The following RNF111 variants were observed in gnomAD, a reference collection of about 807,000 sequenced individuals.
RNF111 encodes ring finger protein 111, also known as E3 ubiquitin-protein ligase Arkadia.
Under a neutral mutation model 95.1 loss-of-function variants are expected in RNF111, and 17 were observed. The ratio of observed to expected loss-of-function variants is 0.18; its 90% CI spans 0.12 to 0.27. The LOEUF (loss-of-function observed/expected upper bound fraction) is 0.27, where lower values mean the gene tolerates loss of function less well. RNF111 is among the 10% of genes least tolerant of loss of function. The pLI is 1.00. For synonymous variants in RNF111, 440 were observed against 414.8 expected, an observed-to-expected ratio of 1.06 and a Z score of -0.74; for missense variants, 1,189 against 1,210.4, an observed-to-expected ratio of 0.98 and a Z score of 0.26.
chr15:59,081,059 C>A lies in RNF111; in HGVS notation c.2072C>A (p.Ala691Asp). 2 of 1,614,112 alleles carry A rather than the reference C, an allele frequency of 1.2e-6. No individual in the cohort carries two copies. The highest frequency in any genetic ancestry group is 8.5e-7 in the Non-Finnish European group (1 of 1,180,024). ...VDYVIPHPVH[A>D]FHSQISSHAT... ...TATGTTATTCCTCATCCTGTACATG[C>A]TTTCCATTCTCAAATATCTTCTCAT... Residue 691 changes from alanine to aspartate, a missense_variant, in exon 8 of 14, where the codon GCT (alanine) becomes GAT (aspartate). Ala to Asp is a moderately radical substitution (Grantham distance 126, BLOSUM62 -2). This residue lies in a region of RNF111 where 1,024 missense variants were observed against 925.9 expected (regional missense o/e 1.11). Coordinates refer to ENST00000348370, the MANE Select transcript of RNF111 (RefSeq NM_017610.8).
chr15:59,086,680 C>A (rs1193694040), intron 10 of RNF111, among the ~76,000 whole-genome samples: 1 of 152,176 alleles, frequency 6.6e-6, no homozygotes, highest in East Asian at 1.9e-4. Flanking sequence ...GGTGCTCTTG[C>A]AGAGGTTACA....
intron 1 of RNF111, among the ~76,000 whole-genome samples, chr15:58,993,215 A>G (rs930273974): frequency 2.0e-5 from 3 of 151,826 alleles, no homozygotes; most frequent in Admixed American, 6.6e-5. Flanking sequence ...TTTTAAAATA[A>G]TTAGTAAAAG....
At chr15:59,061,258 A>C (rs138348721) in intron 5 of RNF111, among the ~76,000 whole-genome samples, 1 of 152,200 alleles carries the variant, frequency 6.6e-6, no homozygotes, top group East Asian at 1.9e-4. Flanking sequence ...CTTAAGGTCA[A>C]TTTCCTTCCA....
chr15:59,082,394 A>G (rs1596301228), intron 8 of RNF111, among the ~76,000 whole-genome samples: 3 of 152,378 alleles, frequency 2.0e-5, no homozygotes, highest in East Asian at 1.9e-4. Context: ...AAAGATATCA[A>G]AGATTTGAAT....
intron 5 of RNF111, among the ~76,000 whole-genome samples, chr15:59,064,732 G>C (rs2042585175): frequency 1.3e-5 from 2 of 151,854 alleles, no homozygotes; most frequent in Admixed American, 1.3e-4. Flanking sequence ...AGCCCCCATA[G>C]GCCAGACTAG....
In RNF111 at chr15:59,065,198, G is replaced by A. The variant is rs572658392; in HGVS notation, c.1367-1566G>A. 5.3e-5 allele frequency among the ~76,000 whole-genome samples: 8 copies of A among 152,144 alleles called. No individual in the cohort carries two copies. In the East Asian group the frequency reaches 1.4e-3, roughly 26 times the overall value. ...AGGGGGTTAAGGATGGCAGCAGGGCGGGGCTTTGGCTTTAGGCTCTTCACT... is the reference window on the plus strand; with the variant it reads ...AGGGGGTTAAGGATGGCAGCAGGGCAGGGCTTTGGCTTTAGGCTCTTCACT... On this transcript the variant is annotated intron_variant, in intron 5 of 13. Transcript: ENST00000348370.
At chr15:59,059,579 TTTTGGTTATGG>T (rs1483140738) in intron 5 of RNF111, among the ~76,000 whole-genome samples, 4 of 152,204 alleles carry the variant, frequency 2.6e-5, no homozygotes, top group Non-Finnish European at 5.9e-5. Flanking sequence ...TTCTGGGGTT[TTTTGGTTATGG>T]TTTGGTCTGT....
chr15:58,989,346 C>T (rs961292032), intron 1 of RNF111, among the ~76,000 whole-genome samples: 3 of 152,178 alleles, frequency 2.0e-5, no homozygotes, highest in African/African-American at 7.2e-5. Flanking sequence ...TGGACACTTT[C>T]TTGCCATTTA....
In RNF111 at chr15:58,994,437, T is replaced by C. The variant is rs552022486; in HGVS notation, c.-20+6369T>C. 7.2e-5 allele frequency among the ~76,000 whole-genome samples: 11 copies of C among 152,052 alleles called. No homozygotes were observed. The South Asian group carries it at 2.3e-3, about 32-fold the overall frequency. ...ACTCATTATTCAGATTCACCAATTT[T>C]TAATGTTGTCACTCTTGCTTTCTTA... On this transcript the variant is annotated intron_variant, in intron 1 of 13. Coordinates refer to ENST00000348370, the MANE Select transcript of RNF111 (RefSeq NM_017610.8).
chr15:59,038,494 GT>G (rs1310144589), intron 2 of RNF111, among the ~76,000 whole-genome samples: 1 of 152,092 alleles, frequency 6.6e-6, no homozygotes, highest in East Asian at 1.9e-4. Flanking sequence ...TTGAGTTATA[GT>G]TTTTGGTTTT....
At chr15:59,084,081 C>A (rs770319973) in intron 8 of RNF111, 48 bp from the exon 9 acceptor site, 3 of 1,508,658 alleles carry the variant, frequency 2.0e-6, no homozygotes, top group East Asian at 2.5e-5. Context: ...AAGAAATAAC[C>A]AATTATTCAA....
chr15:59,019,182 A>C lies in RNF111; in HGVS notation c.-19-11622A>C, dbSNP rs1292224344. ...TTGAACCCCTGGGCTCAAGTGATCCACCTGCCTTGGCCTCACAAAGTGCTG... is the reference window on the plus strand; with the variant it reads ...TTGAACCCCTGGGCTCAAGTGATCCCCCTGCCTTGGCCTCACAAAGTGCTG... On this transcript the variant is annotated intron_variant, in intron 1 of 13. Coordinates refer to ENST00000348370, the MANE Select transcript of RNF111 (RefSeq NM_017610.8). 1.3e-5 allele frequency among the ~76,000 whole-genome samples: 2 copies of C among 148,332 alleles called. 1 individual carries two copies. Among genetic ancestry groups the C allele is most frequent in the Non-Finnish European group, 3.0e-5 (2 of 67,472 alleles).
chr15:59,084,708 A>C (rs189285127), intron 9 of RNF111, among the ~76,000 whole-genome samples: 105 of 152,180 alleles, frequency 6.9e-4, no homozygotes, highest in Admixed American at 6.6e-5. Flanking sequence ...AGAATATCAG[A>C]ACTTACTCCT....
chr15:59,004,542 A>G (rs2039456061), intron 1 of RNF111, among the ~76,000 whole-genome samples: 1 of 152,232 alleles, frequency 6.6e-6, no homozygotes, highest in Admixed American at 6.5e-5. Flanking sequence ...AGCTGACATC[A>G]GTATGCAGGA....
intron 12 of RNF111, 49 bp from the exon 13 acceptor site, chr15:59,092,488 C>T: frequency 6.4e-7 from 1 of 1,561,112 alleles, no homozygotes; most frequent in Non-Finnish European, 8.6e-7. Flanking sequence ...CTCAGTTGTT[C>T]AATAATGTCA....
intron 6 of RNF111, among the ~76,000 whole-genome samples, chr15:59,070,618 A>G (rs1263728496): frequency 1.3e-5 from 2 of 152,234 alleles, no homozygotes; most frequent in East Asian, 3.8e-4. Flanking sequence ...TTGATTGTAC[A>G]GCTCAACAGA....
chr15:59,068,233 A>C (rs1400260293), intron 6 of RNF111, among the ~76,000 whole-genome samples: 1 of 151,488 alleles, frequency 6.6e-6, no homozygotes, highest in Non-Finnish European at 1.5e-5. Flanking sequence ...AAACAACAAC[A>C]ACAACAAAAA....
rs144525991 is a variant in RNF111, at chr15:58,990,919, C to G, written c.-20+2851C>G. 7.0e-4 allele frequency among the ~76,000 whole-genome samples: 107 copies of G among 152,292 alleles called. 2 individuals carry two copies. The East Asian group carries it at 0.019, about 27-fold the overall frequency. On this transcript the variant is annotated intron_variant, in intron 1 of 13. Coordinates refer to ENST00000348370, the MANE Select transcript of RNF111 (RefSeq NM_017610.8). ...GTTTCTTTCCTACATCCTACAGATT[C>G]TTGGTAACAGCTGGCCCAGGTTTCT...
intron 1 of RNF111, among the ~76,000 whole-genome samples, chr15:59,018,963 G>T (rs72746807): frequency 0.065 from 9,878 of 151,624 alleles, 308 homozygotes; most frequent in Middle Eastern, 0.095. Flanking sequence ...ATGCTCTGTC[G>T]CCCAGGTTGG....
Sources: allele counts gnomAD v4.1 joint callset (sites outside exome capture counted in the v4.1 genomes callset), GRCh38; gene constraint gnomAD v4.1.1; regional missense constraint gnomAD v4.1.1; transcripts MANE v1.5; gene names NCBI Gene and HGNC (gene_info 2026-07-23, HGNC 2026-07-21).